Variants in ANKS1B observed in about 807,000 individuals in gnomAD.
The protein encoded by ANKS1B is ankyrin repeat and sterile alpha motif domain containing 1B.
In ANKS1B, 36 loss-of-function variants were observed where a neutral mutation model predicts 148.3. The observed-to-expected ratio is 0.24, with a 90% confidence interval of 0.19 to 0.32. ANKS1B has a LOEUF of 0.32. Ranked by LOEUF, ANKS1B falls within the 10% of genes least tolerant of loss-of-function variation. The pLI, the probability that ANKS1B is intolerant of heterozygous loss-of-function variation, is 1.00. For synonymous variants in ANKS1B, 542 were observed against 560.8 expected, an observed-to-expected ratio of 0.97 and a Z score of 0.47; for missense variants, 1,157 against 1,542.6, an observed-to-expected ratio of 0.75 and a Z score of 4.19.
At chr12:99,534,362 T>A (rs555110586) in intron 9 of ANKS1B, among the ~76,000 whole-genome samples, 1 of 152,344 alleles carries the variant, frequency 6.6e-6, no homozygotes, top group East Asian at 1.9e-4. Context: ...TCAGTGATAA[T>A]CATGTCATTT....
chr12:99,639,461 G>A (rs1370315884), intron 9 of ANKS1B, among the ~76,000 whole-genome samples: 2 of 152,116 alleles, frequency 1.3e-5, no homozygotes, highest in Non-Finnish European at 2.9e-5. Context: ...TTTGAAATGT[G>A]AGAACATGAT....
At chr12:99,261,981 A>C (rs1295378236) in intron 12 of ANKS1B, among the ~76,000 whole-genome samples, 1 of 152,108 alleles carries the variant, frequency 6.6e-6, no homozygotes. Context: ...ACATCCAGCT[A>C]TATTGCCTCT....
At chr12:99,744,924 G>A (rs1276810914) in intron 8 of ANKS1B, among the ~76,000 whole-genome samples, 1 of 147,374 alleles carries the variant, frequency 6.8e-6, no homozygotes, top group African/African-American at 2.5e-5. Context: ...CCCGGGAGAT[G>A]GAGGTTGCAG....
At chr12:99,867,158 A>C (rs921688289) in intron 1 of ANKS1B, among the ~76,000 whole-genome samples, 1 of 152,120 alleles carries the variant, frequency 6.6e-6, no homozygotes, top group African/African-American at 2.4e-5. Context: ...TAGACTATAA[A>C]ATGTTATATG....
intron 10 of ANKS1B, among the ~76,000 whole-genome samples, chr12:99,470,130 T>G (rs1192689283): frequency 6.6e-6 from 1 of 151,290 alleles, no homozygotes; most frequent in Non-Finnish European, 1.5e-5. Context: ...ATAATAATAA[T>G]AATAATAATA....
chr12:98,841,118 A>C lies in ANKS1B; in HGVS notation c.2779-8982T>G, dbSNP rs557709028. 1.4e-3 allele frequency among the ~76,000 whole-genome samples: 212 copies of C among 152,254 alleles called. No homozygotes were observed. The Middle Eastern group carries it at 0.041, about 29-fold the overall frequency. On this transcript the variant is annotated intron_variant, in intron 17 of 26. Coordinates refer to ENST00000683438, the MANE Select transcript of ANKS1B (RefSeq NM_001352186.2). ...CAGGATATTTACTGCTAACGAGGGT[A>C]TTTTCTAACTTTATTTCCTTTCAAT... is the stretch of plus-strand genomic sequence containing the variant.
chr12:98,794,012 T>TAAC (rs1235378866), intron 22 of ANKS1B, among the ~76,000 whole-genome samples: 1 of 152,056 alleles, frequency 6.6e-6, no homozygotes, highest in Non-Finnish European at 1.5e-5. Context: ...CATACCAACA[T>TAAC]AACAACAACA....
At chr12:98,853,252 C>T (rs118024962) in intron 17 of ANKS1B, among the ~76,000 whole-genome samples, 3 of 152,294 alleles carry the variant, frequency 2.0e-5, no homozygotes, top group Non-Finnish European at 4.4e-5. Flanking sequence ...AACTTGACGG[C>T]TTTCACTCCT....
chr12:99,786,333 T>C (rs553328913), intron 4 of ANKS1B, among the ~76,000 whole-genome samples: 2 of 152,010 alleles, frequency 1.3e-5, no homozygotes, highest in Admixed American at 6.6e-5. Flanking sequence ...TTCCAGGGAG[T>C]CTGTCAACCA....
At chr12:99,043,128 T>C (rs1000638817) in intron 17 of ANKS1B, among the ~76,000 whole-genome samples, 1 of 152,138 alleles carries the variant, frequency 6.6e-6, no homozygotes, top group African/African-American at 2.4e-5. Flanking sequence ...CACAACTCTA[T>C]GCAGTATTTT....
intron 17 of ANKS1B, among the ~76,000 whole-genome samples, chr12:98,933,117 G>A (rs922238865): frequency 4.6e-5 from 7 of 152,084 alleles, no homozygotes; most frequent in African/African-American, 7.2e-5. Context: ...CTGTTGATTA[G>A]TAACTCCCCA....
At chr12:99,171,482 A>G (rs2077750929) in intron 14 of ANKS1B, among the ~76,000 whole-genome samples, 1 of 152,212 alleles carries the variant, frequency 6.6e-6, no homozygotes, top group Non-Finnish European at 1.5e-5. Context: ...AAATAGGAAA[A>G]TACTCCAAGA....
chr12:99,559,570 T>C (rs749664473), intron 9 of ANKS1B, among the ~76,000 whole-genome samples: 3 of 152,204 alleles, frequency 2.0e-5, no homozygotes, highest in Non-Finnish European at 2.9e-5. Flanking sequence ...TGAAAACCTA[T>C]TTTGTTGCAG....
chr12:99,850,924 A>C (rs1487747455), intron 1 of ANKS1B, among the ~76,000 whole-genome samples: 1 of 152,162 alleles, frequency 6.6e-6, no homozygotes, highest in Non-Finnish European at 1.5e-5. Flanking sequence ...AATGAAAGGT[A>C]CAAGAGAAAT....
At chr12:99,644,706 A>C (rs1370662883) in intron 9 of ANKS1B, among the ~76,000 whole-genome samples, 1 of 152,214 alleles carries the variant, frequency 6.6e-6, no homozygotes, top group Non-Finnish European at 1.5e-5. Flanking sequence ...AAATTACCAC[A>C]AACTTAGTTG....
At chr12:99,167,230 GA>G (rs950007306) in intron 14 of ANKS1B, among the ~76,000 whole-genome samples, 5 of 151,648 alleles carry the variant, frequency 3.3e-5, no homozygotes, top group Admixed American at 1.3e-4. Context: ...AATTATAAAA[GA>G]AAAAAATGAT....
At chr12:99,921,852 T>A (rs1354428446) in intron 1 of ANKS1B, among the ~76,000 whole-genome samples, 3 of 152,068 alleles carry the variant, frequency 2.0e-5, no homozygotes, top group Non-Finnish European at 4.4e-5. Context: ...AATATAAAAA[T>A]ATGAAAAATA....
intron 24 of ANKS1B, among the ~76,000 whole-genome samples, chr12:98,776,531 C>T (rs932156872): frequency 2.6e-5 from 4 of 152,198 alleles, no homozygotes; most frequent in Admixed American, 6.5e-5. Flanking sequence ...TGTTTGCCAT[C>T]ATGGTGAGAA....
chr12:98,965,037 T>C (rs1156981891), intron 17 of ANKS1B, among the ~76,000 whole-genome samples: 1 of 152,168 alleles, frequency 6.6e-6, no homozygotes, highest in Non-Finnish European at 1.5e-5. Flanking sequence ...ATAATGCCTG[T>C]ATCATGCCTG....
Sources: gnomAD v4.1 joint callset for allele counts (sites outside exome capture counted in the v4.1 genomes callset) on GRCh38, gnomAD v4.1.1 for gene constraint, MANE v1.5 for transcripts, NCBI Gene and HGNC (gene_info 2026-07-23, HGNC 2026-07-21) for gene names.